The following SLC26A8 variants were observed in gnomAD, a reference collection of about 807,000 sequenced individuals.
The protein encoded by SLC26A8 is solute carrier family 26 member 8.
In SLC26A8, 70 loss-of-function variants were observed where a neutral mutation model predicts 105.0. The ratio of observed to expected loss-of-function variants is 0.67; its 90% CI spans 0.55 to 0.81. The LOEUF is 0.81. Ranked by LOEUF, SLC26A8 falls within the 40% of genes least tolerant of loss-of-function variation. The pLI is 0.00. For synonymous variants in SLC26A8, 415 were observed against 438.3 expected (o/e 0.95, Z 0.66); for missense variants, 998 against 1,181.8 (o/e 0.84, Z 2.28).
At chr6:35,954,015 T>G (rs2127293378) in intron 17 of SLC26A8, among the ~76,000 whole-genome samples, 1 of 152,212 alleles carries the variant, frequency 6.6e-6, no homozygotes, top group East Asian at 1.9e-4. Context: ...AAAGAAGCAC[T>G]CAAACACCAT....
intron 7 of SLC26A8, chr6:35,989,961 G>A (rs1444894549): frequency 3.1e-4 from 26 of 83,478 alleles, no homozygotes; most frequent in African/African-American, 8.6e-4. Context: ...TTTTTGAGAC[G>A]GAGTCTCGCT....
intron 1 of SLC26A8, among the ~76,000 whole-genome samples, chr6:36,023,005 C>T (rs376344579): frequency 1.3e-5 from 2 of 150,090 alleles, no homozygotes; most frequent in Non-Finnish European, 3.0e-5. Flanking sequence ...AGAAAAAAAG[C>T]AAAGAAGCTG....
intron 11 of SLC26A8, among the ~76,000 whole-genome samples, chr6:35,967,541 A>G (rs558419260): frequency 6.6e-5 from 10 of 152,328 alleles, no homozygotes; most frequent in African/African-American, 2.4e-4. Context: ...AGAATGACAC[A>G]TTTGTATATA....
In SLC26A8 at chr6:36,012,367, G is replaced by A. The variant is rs1761885180; in HGVS notation, c.194C>T (p.Ser65Leu). The A allele has an allele frequency of 5.1e-6, 8 of 1,576,560 alleles. No individual in the cohort carries two copies. The highest frequency in any genetic ancestry group is 2.8e-5 in the African/African-American group (2 of 72,364). ...TFRHHVQCRC[S>L]WHRFLRCVLT... ...CACGCATCGTAGGAACCTGTGCCATGAGCAGCTGTGAGAGAGAGGAGCAGA... is the reference window on the plus strand; with the variant it reads ...CACGCATCGTAGGAACCTGTGCCATAAGCAGCTGTGAGAGAGAGGAGCAGA... Residue 65 changes from serine (S) to leucine (L), a missense_variant, in exon 3 of 20, where the codon TCA becomes TTA. Ser to Leu is a moderately radical substitution (Grantham distance 145, BLOSUM62 -2). Coordinates refer to ENST00000490799, the MANE Select transcript of SLC26A8 (RefSeq NM_052961.4).
intron 2 of SLC26A8, 146 bp downstream of exon 2, chr6:36,019,374 A>G (rs546151111): frequency 2.2e-6 from 2 of 890,980 alleles, no homozygotes; most frequent in Admixed American, 6.2e-5. Context: ...ACAAACCACA[A>G]AAATGACTGA....
chr6:35,955,309 T>A lies in SLC26A8; in HGVS notation c.2075A>T (p.Asn692Ile), dbSNP rs200648238. The change falls in exon 17 of 20, where the codon AAC (asparagine) becomes ATC (isoleucine). Residue 692 changes from asparagine (N) to isoleucine (I), a missense_variant. By Grantham distance (149) the Asn-to-Ile change is moderately radical. Transcript: ENST00000490799. ...EVWLPNNSSR[N>I]SSPGLPDVAE... Reference sequence around the variant, plus strand: ...CACATCAGGCAGTCCTGGTGAGCTGTTTCTTGATGAGTTATTAGGAAGCCA... The same window carrying A: ...CACATCAGGCAGTCCTGGTGAGCTGATTCTTGATGAGTTATTAGGAAGCCA... 90 of 1,614,034 alleles carry A rather than the reference T, an allele frequency of 5.6e-5. No homozygotes were observed. Among genetic ancestry groups the A allele is most frequent in the Non-Finnish European group, 2.5e-5 (29 of 1,180,038 alleles).
chr6:35,994,134 A>AGAC (rs1761278136), intron 5 of SLC26A8, among the ~76,000 whole-genome samples: 1 of 81,896 alleles, frequency 1.2e-5, no homozygotes, highest in African/African-American at 4.8e-5. Context: ...TTTTTTTTTG[A>AGAC]GACGGAGTCT....
At chr6:35,945,323 T>C (rs1771623752) in intron 19 of SLC26A8, among the ~76,000 whole-genome samples, 1 of 152,158 alleles carries the variant, frequency 6.6e-6, no homozygotes, top group Non-Finnish European at 1.5e-5. Flanking sequence ...CTAGACCGGA[T>C]TTCATGACCA....
At chr6:35,956,845 G>C (rs906657295) in intron 16 of SLC26A8, among the ~76,000 whole-genome samples, 4 of 151,654 alleles carry the variant, frequency 2.6e-5, no homozygotes, top group Non-Finnish European at 5.9e-5. Context: ...CTTGAACCCA[G>C]AAGGCAGAAG....
Position 35,944,027 on chromosome 6 carries a change from C to T in SLC26A8, c.2786G>A (p.Trp929Ter), listed in dbSNP as rs2127281852. ...RAHTFPQQRY[W>*]PMYHPSMAST... Reference sequence around the variant, plus strand: ...AGCCATAGACGGATGATACATAGGCCAGTAACGCTGCTGAGGAAAAGTGTG... The same window carrying T: ...AGCCATAGACGGATGATACATAGGCTAGTAACGCTGCTGAGGAAAAGTGTG... The change falls in exon 20 of 20, where the codon TGG becomes TAG. Residue 929 changes from tryptophan to a stop codon, truncating the protein, a stop_gained. Coordinates refer to ENST00000490799, the MANE Select transcript of SLC26A8 (RefSeq NM_052961.4). LOFTEE classifies it high-confidence loss of function. 1 of 1,614,058 alleles carries T rather than the reference C, an allele frequency of 6.2e-7. No homozygotes were observed. The highest frequency in any genetic ancestry group is 2.2e-5 in the East Asian group (1 of 44,880).
At chr6:35,973,386 T>G (rs1043557844) in intron 10 of SLC26A8, among the ~76,000 whole-genome samples, 1 of 152,196 alleles carries the variant, frequency 6.6e-6, no homozygotes, top group Admixed American at 6.5e-5. Context: ...AGAAGCTCTG[T>G]GACAAACAAA....
At chr6:35,967,495 G>A (rs1772563765) in intron 11 of SLC26A8, among the ~76,000 whole-genome samples, 1 of 152,182 alleles carries the variant, frequency 6.6e-6, no homozygotes, top group African/African-American at 2.4e-5. Context: ...AACACACCTG[G>A]CATCTCTACA....
chr6:35,991,631 A>G (rs921639756), intron 7 of SLC26A8, 28 bp downstream of exon 7: 5 of 1,486,520 alleles, frequency 3.4e-6, no homozygotes, highest in Admixed American at 2.5e-5. Flanking sequence ...TATGCAAACT[A>G]TGAATTTGAG....
intron 17 of SLC26A8, among the ~76,000 whole-genome samples, chr6:35,951,856 G>T (rs546403888): frequency 6.6e-6 from 1 of 152,192 alleles, no homozygotes; most frequent in African/African-American, 2.4e-5. Flanking sequence ...GATTACAGGC[G>T]TGGGCCACTG....
Position 35,975,408 on chromosome 6 carries a change from A to C in SLC26A8, c.1254T>G (p.Thr418=). Residue 418 remains threonine (T), a synonymous_variant, in exon 10 of 20, where the codon ACT becomes ACG. Transcript: ENST00000490799. The part of the protein sequence containing the change: ...SCVFTGAIAR[T]IIQDKSGGRQ... Reference sequence around the variant, plus strand: ...TTCCTCCAGATTTATCCTGGATAATAGTCCTAGCAATAGCACCAGTAAACA... The same window carrying C: ...TTCCTCCAGATTTATCCTGGATAATCGTCCTAGCAATAGCACCAGTAAACA... 2 of 1,612,762 alleles carry C rather than the reference A, an allele frequency of 1.2e-6. No homozygotes were observed. Among genetic ancestry groups the C allele is most frequent in the Non-Finnish European group, 1.7e-6 (2 of 1,179,128 alleles).
chr6:35,982,255 G>A (rs376017025), intron 7 of SLC26A8, 52 bp from the exon 8 acceptor site: 193 of 1,562,766 alleles, frequency 1.2e-4, no homozygotes, highest in Non-Finnish European at 1.5e-4. Context: ...CCTAAATATA[G>A]TGCATCGCTT....
At chr6:36,007,618 G>T (rs1394415562) in intron 3 of SLC26A8, among the ~76,000 whole-genome samples, 1 of 151,964 alleles carries the variant, frequency 6.6e-6, no homozygotes, top group African/African-American at 2.4e-5. Flanking sequence ...GAATACGGAA[G>T]AATAGCTAAA....
chr6:36,006,782 T>C (rs73729659), intron 3 of SLC26A8, among the ~76,000 whole-genome samples: 3,191 of 152,300 alleles, frequency 0.021, 115 homozygotes, highest in African/African-American at 0.072. Flanking sequence ...CTAGCACATA[T>C]GGTAACTTAG....
At position 35,991,794 on chromosome 6, in the gene SLC26A8, GTAAT is replaced by G; in HGVS notation, c.803_806del (p.Asn268ThrfsTer3). On this transcript the variant is annotated frameshift_variant, in exon 7 of 20. Transcript: ENST00000490799. LOFTEE classifies it high-confidence loss of function. ...AATTCGCTTTTGGGAGAGCTACACAGTAATTAATTATGTCCTGAAAGAAAATAAA... is the reference window on the plus strand; with the variant it reads ...AATTCGCTTTTGGGAGAGCTACACAGTAATTATGTCCTGAAAGAAAATAAA... The G allele has an allele frequency of 6.3e-7, 1 of 1,592,676 alleles. No individual in the cohort carries two copies. The highest frequency in any genetic ancestry group is 1.2e-5 in the South Asian group (1 of 86,232).
Sources: allele counts gnomAD v4.1 joint callset (sites outside exome capture counted in the v4.1 genomes callset), GRCh38; gene constraint gnomAD v4.1.1; transcripts MANE v1.5; gene names NCBI Gene and HGNC (gene_info 2026-07-23, HGNC 2026-07-21).